The following FSTL5 variants were observed in gnomAD, a reference collection of about 807,000 sequenced individuals.
FSTL5 encodes follistatin like 5, also known as follistatin-related protein 5.
FSTL5 carries 62 observed loss-of-function variants against 89.1 expected under a neutral mutation model. The observed-to-expected ratio is 0.70, with a 90% CI of 0.57 to 0.86. FSTL5 has a LOEUF of 0.86. Among genes scored for constraint, FSTL5 ranks in the 40% least tolerant of loss-of-function variants. The pLI is 0.00. For missense variants in FSTL5, 1,057 were observed against 1,001.6 expected, an observed-to-expected ratio of 1.06 and a Z score of -0.75; for synonymous variants, 383 against 346.2, an observed-to-expected ratio of 1.11 and a Z score of -1.18.
At chr4:161,951,694 A>G (rs1429905875) in intron 3 of FSTL5, among the ~76,000 whole-genome samples, 1 of 152,124 alleles carries the variant, frequency 6.6e-6, no homozygotes, top group Non-Finnish European at 1.5e-5. Context: ...ACATAATTGT[A>G]TAACTAAATT....
chr4:161,448,947 G>T (rs369407238), intron 15 of FSTL5, among the ~76,000 whole-genome samples: 3 of 152,078 alleles, frequency 2.0e-5, no homozygotes, highest in African/African-American at 7.2e-5. Context: ...CCATCTTGGG[G>T]TGTGGTGCTG....
chr4:161,623,103 T>C (rs1307592537), intron 7 of FSTL5, among the ~76,000 whole-genome samples: 1 of 152,068 alleles, frequency 6.6e-6, no homozygotes, highest in Non-Finnish European at 1.5e-5. Flanking sequence ...TCTAGCACAC[T>C]CGGAATAAAA....
At chr4:162,062,105 TTA>T (rs1206068894) in intron 2 of FSTL5, among the ~76,000 whole-genome samples, 12 of 151,774 alleles carry the variant, frequency 7.9e-5, no homozygotes, top group Non-Finnish European at 1.5e-5. Context: ...ATGTCGAAAT[TTA>T]TATATAACAT....
chr4:161,459,139 A>T lies in FSTL5; in HGVS notation c.1716+73T>A, dbSNP rs915622473. 8 of 956,226 alleles carry T rather than the reference A, an allele frequency of 8.4e-6. No individual in the cohort carries two copies. In the Admixed American group the frequency reaches 1.5e-4, roughly 17 times the overall value. 59.2% of individuals were successfully genotyped at this position (956,226 alleles called of 1,614,324 possible). A position where few individuals can be genotyped will look rare whatever the true frequency, so the allele number is the denominator to read the frequency against. ...GATGGAAAAATATCATGGTTAAATG[A>T]TCACAAATATCCAATAAAATGTTGA... On this transcript the variant is annotated intron_variant, in intron 14 of 15. Coordinates refer to ENST00000306100, the MANE Select transcript of FSTL5 (RefSeq NM_020116.5).
intron 10 of FSTL5, among the ~76,000 whole-genome samples, chr4:161,512,661 A>G (rs1050602166): frequency 6.6e-6 from 1 of 152,102 alleles, no homozygotes; most frequent in African/African-American, 2.4e-5. Context: ...CATTTTTAAG[A>G]CTGGCAGTCA....
At chr4:161,651,450 C>T (rs191768915) in intron 7 of FSTL5, among the ~76,000 whole-genome samples, 10 of 151,738 alleles carry the variant, frequency 6.6e-5, no homozygotes, top group African/African-American at 2.4e-4. Context: ...TATATGTAAC[C>T]TAATACTAAA....
At chr4:161,445,700 T>C (rs1192034517) in intron 15 of FSTL5, among the ~76,000 whole-genome samples, 3 of 151,980 alleles carry the variant, frequency 2.0e-5, no homozygotes, top group Non-Finnish European at 4.4e-5. Context: ...CAGATGACAA[T>C]TTAGATATAA....
At chr4:161,776,159 A>AC in intron 4 of FSTL5, 85 bp from the exon 5 acceptor site, 1 of 683,332 alleles carries the variant, frequency 1.5e-6, no homozygotes, top group South Asian at 3.4e-5. Flanking sequence ...TTATTTTATG[A>AC]ATAACATACT....
At chr4:161,556,793 T>C (rs1458814363) in intron 8 of FSTL5, among the ~76,000 whole-genome samples, 1 of 149,938 alleles carries the variant, frequency 6.7e-6, no homozygotes, top group Non-Finnish European at 1.5e-5. Context: ...TTATACAAAC[T>C]TAGTTCGTAT....
intron 15 of FSTL5, among the ~76,000 whole-genome samples, chr4:161,440,813 C>T (rs1425455501): frequency 6.6e-6 from 1 of 152,100 alleles, no homozygotes. Flanking sequence ...AGATAAATTA[C>T]ATTATAGGAT....
chr4:161,789,124 C>A (rs1257884303), intron 4 of FSTL5, among the ~76,000 whole-genome samples: 1 of 152,056 alleles, frequency 6.6e-6, no homozygotes, highest in Non-Finnish European at 1.5e-5. Flanking sequence ...TGTATCTATA[C>A]ACTAACACAA....
intron 6 of FSTL5, among the ~76,000 whole-genome samples, chr4:161,751,764 G>C (rs1024261564): frequency 6.7e-6 from 1 of 148,170 alleles, no homozygotes; most frequent in Non-Finnish European, 1.5e-5. Context: ...CTGGGTGACA[G>C]AGGGAGAACT....
At chr4:161,769,087 C>G (rs890279076) in intron 5 of FSTL5, among the ~76,000 whole-genome samples, 3 of 151,734 alleles carry the variant, frequency 2.0e-5, no homozygotes, top group African/African-American at 7.3e-5. Context: ...ATTGAAAAAC[C>G]TAGAAGAAAT....
chr4:161,724,718 C>T (rs1157615073), intron 6 of FSTL5, among the ~76,000 whole-genome samples: 1 of 152,154 alleles, frequency 6.6e-6, no homozygotes, highest in Non-Finnish European at 1.5e-5. Flanking sequence ...AAGATATACC[C>T]TTGCTAAATG....
At chr4:161,947,286 CT>C (rs1734763983) in intron 3 of FSTL5, among the ~76,000 whole-genome samples, 2 of 150,496 alleles carry the variant, frequency 1.3e-5, no homozygotes, top group Admixed American at 6.7e-5. Context: ...ATTGATGTTG[CT>C]TTTTGTGTGC....
intron 1 of FSTL5, among the ~76,000 whole-genome samples, chr4:162,156,575 A>C (rs910924979): frequency 1.4e-4 from 21 of 152,194 alleles, no homozygotes; most frequent in African/African-American, 4.8e-4. Context: ...AAGAAGGATA[A>C]GATCATGTCC....
At chr4:161,779,201 C>T (rs556328718) in intron 4 of FSTL5, among the ~76,000 whole-genome samples, 2 of 152,274 alleles carry the variant, frequency 1.3e-5, no homozygotes, top group East Asian at 3.9e-4. Flanking sequence ...TAATGCTTTC[C>T]TTCCCCAAAT....
At chr4:161,781,543 A>G (rs772099885) in intron 4 of FSTL5, among the ~76,000 whole-genome samples, 6 of 152,136 alleles carry the variant, frequency 3.9e-5, no homozygotes, top group Non-Finnish European at 5.9e-5. Flanking sequence ...AGTACATTTA[A>G]AGAGCCGTGA....
intron 5 of FSTL5, among the ~76,000 whole-genome samples, chr4:161,765,489 G>A (rs113197499): frequency 5.3e-5 from 8 of 152,250 alleles, no homozygotes; most frequent in African/African-American, 1.9e-4. Flanking sequence ...TCAGCGTAAA[G>A]ATTAACTGTT....
Sources: gnomAD v4.1 joint callset for allele counts (sites outside exome capture counted in the v4.1 genomes callset) on GRCh38, gnomAD v4.1.1 for gene constraint, MANE v1.5 for transcripts, NCBI Gene and HGNC (gene_info 2026-07-23, HGNC 2026-07-21) for gene names.